ANKRD31: variants seen among roughly 807,000 people sequenced by gnomAD.
The protein encoded by ANKRD31 is ankyrin repeat domain-containing protein 31.
A neutral mutation model predicts 186.0 loss-of-function variants in ANKRD31; 147 were observed. The ratio of observed to expected loss-of-function variants is 0.79; its 90% CI spans 0.69 to 0.91. The LOEUF (loss-of-function observed/expected upper bound fraction) is 0.91. Among genes scored for constraint, ANKRD31 ranks in the 40% least tolerant of loss-of-function variants. The probability of loss-of-function intolerance (pLI) is 0.00; values close to 1 mark genes in which losing one functional copy is unlikely to be tolerated. For missense variants in ANKRD31, 1,986 were observed against 2,148.8 expected, an observed-to-expected ratio of 0.92 and a Z score of 1.50; for synonymous variants, 673 against 736.4, an observed-to-expected ratio of 0.91 and a Z score of 1.39.
chr5:75,200,209 C>T (rs902970125), intron 5 of ANKRD31, among the ~76,000 whole-genome samples: 88 of 152,074 alleles, frequency 5.8e-4, no homozygotes, highest in African/African-American at 2.1e-3. Context: ...GCCAAGCTGG[C>T]AAACAGCAAT....
At chr5:75,086,879 G>T (rs77208547) in intron 23 of ANKRD31, among the ~76,000 whole-genome samples, 2 of 151,628 alleles carry the variant, frequency 1.3e-5, no homozygotes, top group Non-Finnish European at 2.9e-5. Context: ...GTACGCGCAC[G>T]TGTGCACGCA....
At chr5:75,078,991 C>T (rs989444804) in intron 25 of ANKRD31, among the ~76,000 whole-genome samples, 2 of 152,140 alleles carry the variant, frequency 1.3e-5, no homozygotes, top group African/African-American at 4.8e-5. Context: ...AATATTTCAT[C>T]AACAGAATTT....
intron 11 of ANKRD31, among the ~76,000 whole-genome samples, chr5:75,164,650 A>G (rs1752798854): frequency 6.6e-6 from 1 of 152,198 alleles, no homozygotes; most frequent in Non-Finnish European, 1.5e-5. Flanking sequence ...CAGAAGAGTG[A>G]GGCTCTAGCT....
intron 2 of ANKRD31, among the ~76,000 whole-genome samples, chr5:75,229,392 G>A (rs1294907860): frequency 6.6e-6 from 1 of 152,110 alleles, no homozygotes; most frequent in Admixed American, 6.5e-5. Flanking sequence ...TATATGGGTG[G>A]CACTTCAATA....
chr5:75,077,382 T>G (rs1325081002), intron 25 of ANKRD31, among the ~76,000 whole-genome samples: 1 of 151,984 alleles, frequency 6.6e-6, no homozygotes, highest in African/African-American at 2.4e-5. Flanking sequence ...AAATTAATAA[T>G]GTGATATAGA....
At chr5:75,137,242 T>C (rs780051852) in intron 17 of ANKRD31, among the ~76,000 whole-genome samples, 17 of 152,220 alleles carry the variant, frequency 1.1e-4, no homozygotes, top group Non-Finnish European at 1.8e-4. Flanking sequence ...ATTACTGGTC[T>C]ATATTGTCTA....
In ANKRD31 at chr5:75,091,507, C is replaced by T. The variant is rs991325769; in HGVS notation, c.5332-106G>A. 7.0e-6 allele frequency: 7 copies of T among 994,062 alleles called. No individual in the cohort carries two copies. In the East Asian group the frequency reaches 1.6e-4, roughly 22 times the overall value. 61.6% of individuals were successfully genotyped at this position (994,062 alleles called of 1,614,324 possible). ...ACAGGGACCACATATACCCTAACAC[C>T]TGATGTATTTTTGTATATAAATTTA... is the stretch of plus-strand genomic sequence containing the variant. On this transcript the variant is annotated intron_variant, in intron 22 of 25. Transcript: ENST00000506364.
chr5:75,068,656 T>C lies in ANKRD31; in HGVS notation c.5656A>G (p.Arg1886Gly), dbSNP rs538495833. ...CGTGGGCTGCTTTGCATTGACTCTC[T>C]GGAAGTTCCTGTTTAAAGAAGTATC... ...EKTKFGQGTSRESMQSSPRYL... is the reference protein window; with the variant it reads ...EKTKFGQGTSGESMQSSPRYL... Residue 1886 changes from arginine to glycine, a missense_variant, in exon 26 of 26, where the codon AGA becomes GGA. Physicochemically the swap from Arg to Gly is moderately radical, Grantham distance 125 (BLOSUM62 -2). Transcript: ENST00000506364. The C allele has an allele frequency of 6.1e-5, 91 of 1,494,036 alleles. No homozygotes were observed. The highest frequency in any genetic ancestry group is 7.8e-5 in the Non-Finnish European group (88 of 1,129,518). 92.5% of individuals were successfully genotyped at this position (1,494,036 alleles called of 1,614,324 possible). A position where few individuals can be genotyped will look rare whatever the true frequency, so the allele number is the denominator to read the frequency against.
intron 19 of ANKRD31, among the ~76,000 whole-genome samples, chr5:75,112,863 A>G (rs915265635): frequency 6.6e-6 from 1 of 152,222 alleles, no homozygotes; most frequent in African/African-American, 2.4e-5. Context: ...ATCACAAGAA[A>G]TCAATTTCTC....
chr5:75,149,570 G>A (rs961321621), intron 12 of ANKRD31, among the ~76,000 whole-genome samples: 45 of 151,836 alleles, frequency 3.0e-4, no homozygotes, highest in African/African-American at 1.1e-3. Context: ...TTGGAGCACC[G>A]TCTCTGGGGA....
At chr5:75,199,925 C>A (rs1755705090) in intron 5 of ANKRD31, among the ~76,000 whole-genome samples, 1 of 152,102 alleles carries the variant, frequency 6.6e-6, no homozygotes, top group Non-Finnish European at 1.5e-5. Context: ...ATTATTTTAG[C>A]TAAAAACCAA....
chr5:75,100,991 G>A (rs147737415), intron 22 of ANKRD31, among the ~76,000 whole-genome samples: 2,426 of 152,212 alleles, frequency 0.016, 74 homozygotes, highest in African/African-American at 0.054. Context: ...TATTTTGCTC[G>A]TTAGTTGATG....
intron 12 of ANKRD31, among the ~76,000 whole-genome samples, chr5:75,151,415 G>C (rs183351478): frequency 7.2e-4 from 109 of 152,064 alleles, no homozygotes; most frequent in African/African-American, 2.6e-3. Context: ...GAATCATGGG[G>C]GCAGGTTTTT....
intron 11 of ANKRD31, among the ~76,000 whole-genome samples, chr5:75,167,045 C>CT (rs1554083951): frequency 1.3e-5 from 2 of 151,894 alleles, no homozygotes; most frequent in African/African-American, 4.8e-5. Flanking sequence ...TTTCATTCCC[C>CT]CTAAAAGAAA....
At chr5:75,193,858 G>T (rs1367006873) in intron 7 of ANKRD31, among the ~76,000 whole-genome samples, 1 of 152,026 alleles carries the variant, frequency 6.6e-6, no homozygotes, top group African/African-American at 2.4e-5. Context: ...GCAAATCTAT[G>T]GTCACTCTAG....
chr5:75,116,814 C>T (rs1748323411), intron 18 of ANKRD31, 133 bp from the exon 19 acceptor site: 2 of 447,798 alleles, frequency 4.5e-6, no homozygotes, highest in Non-Finnish European at 3.6e-6. Flanking sequence ...CAACACTCAT[C>T]ATCGTCATTA....
intron 6 of ANKRD31, 64 bp downstream of exon 6, chr5:75,199,567 A>T (rs1167419092): frequency 4.6e-6 from 6 of 1,313,980 alleles, no homozygotes; most frequent in Non-Finnish European, 6.2e-6. Flanking sequence ...ACTTTAATCG[A>T]CATAATTTTT....
chr5:75,102,132 G>A (rs1746942567), intron 22 of ANKRD31, among the ~76,000 whole-genome samples: 1 of 152,196 alleles, frequency 6.6e-6, no homozygotes, highest in South Asian at 2.1e-4. Flanking sequence ...CTTTCTGTTT[G>A]TTAGTTTTCC....
At chr5:75,096,579 C>T (rs1746336485) in intron 22 of ANKRD31, among the ~76,000 whole-genome samples, 1 of 152,144 alleles carries the variant, frequency 6.6e-6, no homozygotes, top group South Asian at 2.1e-4. Context: ...ATCATGAAAT[C>T]TTTACCTGTG....
Sources: gnomAD v4.1 joint callset for allele counts (sites outside exome capture counted in the v4.1 genomes callset) on GRCh38, gnomAD v4.1.1 for gene constraint, MANE v1.5 for transcripts, NCBI Gene and HGNC (gene_info 2026-07-23, HGNC 2026-07-21) for gene names.